The following MTFR1L variants were observed in gnomAD, a reference collection of about 807,000 sequenced individuals.
MTFR1L encodes mitochondrial fission regulator 1-like.
A neutral mutation model predicts 27.9 loss-of-function variants in MTFR1L; 10 were observed. The observed-to-expected ratio is 0.36, with a 90% confidence interval of 0.22 to 0.61. The LOEUF (loss-of-function observed/expected upper bound fraction) is 0.61. Among genes scored for constraint, MTFR1L ranks in the 20% least tolerant of loss-of-function variants. MTFR1L has a pLI of 0.73. For missense variants in MTFR1L, 315 were observed against 363.7 expected (o/e 0.87, Z 1.09); for synonymous variants, 151 against 139.4 (o/e 1.08, Z -0.58).
rs1393797280 is a variant in MTFR1L at position 25,826,334 on chromosome 1, A to C, written c.162A>C (p.Arg54Ser). The C allele has an allele frequency of 6.2e-7, 1 of 1,614,120 alleles. No individual in the cohort carries two copies. Among genetic ancestry groups the C allele is most frequent in the East Asian group, 2.2e-5 (1 of 44,876 alleles). Residue 54 changes from arginine (R) to serine (S), a missense_variant, in exon 4 of 7, where the codon AGA becomes AGC. Transcript: ENST00000374303. This position sits in a 1 kb window ranked among gnomAD's most constrained non-coding sequence, Gnocchi z 4.1. ...CCAACATCTCTGACCTGTGTTTGAG[A>C]GATGTGCCCCCAGTCCCTACCCTGG... ...TLPNISDLCL[R>S]DVPPVPTLAD...
At chr1:25,831,895 T>C (rs1341786172) in intron 6 of MTFR1L, 26 bp from the exon 7 acceptor site, 1 of 1,567,676 alleles carries the variant, frequency 6.4e-7, no homozygotes, top group Admixed American at 1.7e-5. Context: ...AAAGAGTAAG[T>C]ACTCAAGCTA....
chr1:25,830,158 C>CA (rs2048219376), intron 6 of MTFR1L, among the ~76,000 whole-genome samples: 1 of 152,196 alleles, frequency 6.6e-6, no homozygotes, highest in East Asian at 1.9e-4. Flanking sequence ...GCCCACCCTT[C>CA]AAAGTGAGGG....
In MTFR1L at chr1:25,826,132, CTG is replaced by C. The variant is rs1338976592; in HGVS notation, c.130-168_130-167del. 32 of 583,764 alleles carry C rather than the reference CTG, an allele frequency of 5.5e-5. No homozygotes were observed. Among genetic ancestry groups the C allele is most frequent in the African/African-American group, 5.2e-4 (28 of 53,500 alleles). The allele number at this position is 583,764 out of a possible 1,614,324, so 36.2% of individuals were successfully genotyped here. The stretch of plus-strand genomic sequence containing the variant: ...TACAGGTGTGAGCCACCATGCCTGA[CTG>C]TCATCTGGCCTCTGTTCAATGTTTT... On this transcript the variant is annotated intron_variant, in intron 3 of 6. Transcript: ENST00000374303. This position sits in a 1 kb window ranked among gnomAD's most constrained non-coding sequence, Gnocchi z 4.1.
At chr1:25,828,059 A>C (rs145735521) in intron 5 of MTFR1L, among the ~76,000 whole-genome samples, 2 of 151,838 alleles carry the variant, frequency 1.3e-5, no homozygotes, top group Admixed American at 6.6e-5. Flanking sequence ...CATTCCCCCC[A>C]CCACCACTGA....
chr1:25,821,210 T>A (rs1244096031), intron 1 of MTFR1L, among the ~76,000 whole-genome samples: 2 of 152,174 alleles, frequency 1.3e-5, no homozygotes, highest in Non-Finnish European at 2.9e-5. Context: ...TGTGATTAAC[T>A]GTGTTTGGGA....
intron 2 of MTFR1L, 70 bp from the exon 3 acceptor site, chr1:25,823,574 G>A: frequency 6.3e-7 from 1 of 1,575,106 alleles, no homozygotes; most frequent in Non-Finnish European, 8.6e-7. Context: ...CAAACCTAGA[G>A]AGGAGAGGAC....
Position 25,826,261 on chromosome 1 carries a change from C to A in MTFR1L, c.130-41C>A. ...ATTCTGCAGTTTCTGATTGGCTCAT[C>A]ATGGCATCTGTAAATGTTGATGACT... On this transcript the variant is annotated intron_variant, in intron 3 of 6. Transcript: ENST00000374303. The surrounding 1 kb of genome is among the most constrained non-coding windows in gnomAD (Gnocchi z 4.1). 1 of 1,570,076 alleles carries A rather than the reference C, an allele frequency of 6.4e-7. No homozygotes were observed. The highest frequency in any genetic ancestry group is 1.1e-5 in the South Asian group (1 of 89,526).
intron 5 of MTFR1L, among the ~76,000 whole-genome samples, chr1:25,827,239 G>T (rs1008515797): frequency 6.6e-6 from 1 of 151,858 alleles, no homozygotes; most frequent in Admixed American, 6.6e-5. Flanking sequence ...AGGTGCAAGC[G>T]ATTCTCCTGC....
chr1:25,829,973 C>T, intron 6 of MTFR1L, 143 bp downstream of exon 6: 4 of 916,016 alleles, frequency 4.4e-6, no homozygotes, highest in Non-Finnish European at 6.4e-6. Context: ...ACCTGCTTGC[C>T]AGTGCCTGGG....
In MTFR1L at chr1:25,829,525, G is replaced by A. The variant is rs188707395; in HGVS notation, c.468G>A (p.Thr156=). ...CTCTTTCAGCTTCGGCTTCATTAAC[G>A]CCAGATTTCTTATCTCCAGGAAGTT... ...VAADAASASL[T]PDFLSPGSSN... is the part of the protein sequence containing the mutation. Residue 156 remains threonine, a synonymous_variant, in exon 6 of 7, where the codon ACG becomes ACA. Coordinates refer to ENST00000374303, the MANE Select transcript of MTFR1L (RefSeq NM_001099625.2). The A allele has an allele frequency of 1.3e-4, 216 of 1,613,274 alleles. No individual in the cohort carries two copies. Among genetic ancestry groups the A allele is most frequent in the Admixed American group, 2.3e-4 (14 of 59,910 alleles).
At position 25,826,705 on chromosome 1, in the gene MTFR1L, C is replaced by T. The variant is rs200344276; in HGVS notation, c.330C>T (p.Ser110=). 1.1e-4 allele frequency: 170 copies of T among 1,613,832 alleles called. 1 individual carries two copies. The African/African-American group carries it at 1.8e-3, about 17-fold the overall frequency. The change falls in exon 5 of 7, where the codon TCC becomes TCT. Residue 110 remains serine, a synonymous_variant. Transcript: ENST00000374303. This position sits in a 1 kb window ranked among gnomAD's most constrained non-coding sequence, Gnocchi z 4.1. ...CCTCTGTTCCCAACCTGCGTGGGTCCGAGGAGAGGCTTCTGGCCCTGAAGA... is the reference window on the plus strand; with the variant it reads ...CCTCTGTTCCCAACCTGCGTGGGTCTGAGGAGAGGCTTCTGGCCCTGAAGA... ...RNASVPNLRG[S]EERLLALKKP...
At chr1:25,829,940 G>A in intron 6 of MTFR1L, 110 bp downstream of exon 6, 3 of 1,094,380 alleles carry the variant, frequency 2.7e-6, no homozygotes, top group South Asian at 3.3e-5. Context: ...CATATGTTAT[G>A]TCATTCATAA....
At position 25,826,214 on chromosome 1, in the gene MTFR1L, G is replaced by A. The variant is rs192124006; in HGVS notation, c.130-88G>A. ...GGAAGCCTTCCTGACACCCAGTGCC[G>A]GATTAGGTACCCCTCCTGTGTATTC... On this transcript the variant is annotated intron_variant, in intron 3 of 6. Coordinates refer to ENST00000374303, the MANE Select transcript of MTFR1L (RefSeq NM_001099625.2). The surrounding 1 kb of genome is among the most constrained non-coding windows in gnomAD (Gnocchi z 4.1). The A allele has an allele frequency of 9.4e-5, 106 of 1,132,048 alleles. No homozygotes were observed. The highest frequency in any genetic ancestry group is 1.1e-4 in the Non-Finnish European group (86 of 767,778). The allele number at this position is 1,132,048 out of a possible 1,614,324, so 70.1% of individuals were successfully genotyped here. A position where few individuals can be genotyped will look rare whatever the true frequency, so the allele number is the denominator to read the frequency against.
In MTFR1L at chr1:25,823,758, T is replaced by C. The variant is rs2048131531; in HGVS notation, c.129+10T>C. 1 of 1,613,152 alleles carries C rather than the reference T, an allele frequency of 6.2e-7. No homozygotes were observed. Among genetic ancestry groups the C allele is most frequent in the South Asian group, 1.1e-5 (1 of 91,002 alleles). On this transcript the variant is annotated intron_variant, in intron 3 of 6. Transcript: ENST00000374303. ...CCGGGCGTCCTTTGAGGTGAGTATGTTGGAAGGGCAGGAGAGTAGAGGCTC... is the reference window on the plus strand; with the variant it reads ...CCGGGCGTCCTTTGAGGTGAGTATGCTGGAAGGGCAGGAGAGTAGAGGCTC...
chr1:25,821,959 G>A (rs561667806), intron 1 of MTFR1L: 1 of 152,400 alleles, frequency 6.6e-6, no homozygotes, highest in South Asian at 2.1e-4. Context: ...CCTGGCACAA[G>A]TGGGTACTGT....
intron 5 of MTFR1L, among the ~76,000 whole-genome samples, chr1:25,828,824 C>T (rs1326416865): frequency 6.6e-6 from 1 of 152,126 alleles, no homozygotes. Flanking sequence ...ACATGAAAAT[C>T]ATGGTGTTCT....
chr1:25,820,160 C>T, intron 1 of MTFR1L, 131 bp downstream of exon 1: 1 of 452,742 alleles, frequency 2.2e-6, no homozygotes, highest in South Asian at 1.6e-5. Context: ...GCGGGAGCCG[C>T]AGCTGTCCGT....
rs777320349 is a variant in MTFR1L, at chr1:25,826,624, G to C, written c.249G>C (p.Thr83=). The C allele has an allele frequency of 4.3e-6, 7 of 1,614,154 alleles. No homozygotes were observed. In the South Asian group the frequency reaches 6.6e-5, roughly 15 times the overall value. Residue 83 remains threonine (T), a synonymous_variant, in exon 5 of 7, where the codon ACG becomes ACC. Transcript: ENST00000374303. This position sits in a 1 kb window ranked among gnomAD's most constrained non-coding sequence, Gnocchi z 4.1. ...EETYARVRSD[T]RPLRHTWKPS... is the part of the protein sequence containing the mutation. ...GTTTTCCCTGGTCCAGGAGTGATAC[G>C]CGCCCCCTGAGGCACACCTGGAAAC...
chr1:25,823,832 G>A (rs574075036), intron 3 of MTFR1L, 84 bp downstream of exon 3: 1 of 1,483,994 alleles, frequency 6.7e-7, no homozygotes, highest in African/African-American at 1.4e-5. Context: ...GCCCAAGTAG[G>A]TTGTTTCCTG....
Sources: allele counts gnomAD v4.1 joint callset (sites outside exome capture counted in the v4.1 genomes callset), GRCh38; gene constraint gnomAD v4.1.1; non-coding constraint Gnocchi (gnomAD v3.1); transcripts MANE v1.5; gene names NCBI Gene and HGNC (gene_info 2026-07-23, HGNC 2026-07-21).